The following EFHC2 variants were observed in gnomAD, a reference collection of about 807,000 sequenced individuals.
The protein encoded by EFHC2 is EF-hand domain containing 2.
Under a neutral mutation model 52.7 loss-of-function variants are expected in EFHC2, and 18 were observed. The observed-to-expected ratio is 0.34, with a 90% CI of 0.24 to 0.51. The LOEUF (loss-of-function observed/expected upper bound fraction) is 0.51. Among genes scored for constraint, EFHC2 ranks in the 20% least tolerant of loss-of-function variants. EFHC2 has a pLI of 0.97. For missense variants in EFHC2, 513 were observed against 562.5 expected (o/e 0.91, Z 0.89); for synonymous variants, 203 against 204.1 (o/e 0.99, Z 0.04).
At chrX:44,191,079 T>A (rs1602143156) in intron 11 of EFHC2, among the ~76,000 whole-genome samples, 1 of 111,912 alleles carries the variant, frequency 8.9e-6, no homozygotes, top group East Asian at 2.8e-4. Context: ...GCAAGCCTGC[T>A]CTACTTGTGA....
rs148673848 is a variant in EFHC2, at chrX:44,167,996, C to T, written c.2043-3969G>A. Among the ~76,000 whole-genome samples, 369 of 111,554 alleles carry T rather than the reference C, an allele frequency of 3.3e-3. 2 individuals carry two copies. Among genetic ancestry groups the T allele is most frequent in the African/African-American group, 0.011 (347 of 30,679 alleles). ...ACAAAGAGAATTGGAAAAAAGACCA[C>T]GGTAGAGAAGAGACGTCAAACTCTT... On this transcript the variant is annotated intron_variant, in intron 13 of 14. Coordinates refer to ENST00000420999, the MANE Select transcript of EFHC2 (RefSeq NM_025184.4).
intron 1 of EFHC2, among the ~76,000 whole-genome samples, chrX:44,329,629 G>A (rs1415597830): frequency 9.2e-6 from 1 of 108,231 alleles, no homozygotes; most frequent in Admixed American, 1.0e-4. Context: ...TTGATACAGG[G>A]TCAAACACTG....
chrX:44,265,671 A>G (rs1255272006), intron 3 of EFHC2, among the ~76,000 whole-genome samples: 1 of 111,963 alleles, frequency 8.9e-6, no homozygotes, highest in Non-Finnish European at 1.9e-5. Flanking sequence ...AAATGAAGAT[A>G]TAACTGCAAT....
intron 11 of EFHC2, among the ~76,000 whole-genome samples, chrX:44,186,082 G>A (rs2036871830): frequency 9.0e-6 from 1 of 111,237 alleles, no homozygotes; most frequent in Non-Finnish European, 1.9e-5. Context: ...TTGACATGTA[G>A]TGGAATGTAC....
chrX:44,331,125 T>C (rs1457600341), intron 1 of EFHC2, among the ~76,000 whole-genome samples: 1 of 111,743 alleles, frequency 8.9e-6, no homozygotes, highest in African/African-American at 3.3e-5. Context: ...AAACTAGAAA[T>C]AGCCCCAATG....
chrX:44,228,991 C>A (rs956447570), intron 11 of EFHC2, among the ~76,000 whole-genome samples: 7 of 111,855 alleles, frequency 6.3e-5, no homozygotes, highest in African/African-American at 2.3e-4. Context: ...TGTACTAGAC[C>A]CTGAATTTGA....
intron 11 of EFHC2, among the ~76,000 whole-genome samples, chrX:44,182,480 C>G (rs1257612696): frequency 8.9e-6 from 1 of 112,151 alleles, no homozygotes; most frequent in Non-Finnish European, 1.9e-5. Flanking sequence ...TCCTCAGTCA[C>G]AGGTAAGTCT....
intron 1 of EFHC2, among the ~76,000 whole-genome samples, chrX:44,323,006 C>A (rs1040798146): frequency 5.4e-5 from 6 of 110,308 alleles, no homozygotes; most frequent in Non-Finnish European, 1.1e-4. Context: ...GAGCAAGACT[C>A]CGTCTAAAAA....
chrX:44,293,095 GTC>G (rs1454007907), intron 2 of EFHC2, among the ~76,000 whole-genome samples: 4 of 108,053 alleles, frequency 3.7e-5, no homozygotes. Context: ...CCCTGCCTCA[GTC>G]TCCTGAGTAG....
At chrX:44,217,323 A>G (rs1239555862) in intron 11 of EFHC2, among the ~76,000 whole-genome samples, 1 of 111,663 alleles carries the variant, frequency 9.0e-6, no homozygotes, top group African/African-American at 3.3e-5. Flanking sequence ...AGGTTTCTCA[A>G]AAAACTAAAA....
Position 44,232,775 on chromosome X carries a change from A to G in EFHC2, c.1424-98T>C, listed in dbSNP as rs913078635. 78 of 754,917 alleles carry G rather than the reference A, an allele frequency of 1.0e-4. No individual in the cohort carries two copies. In the African/African-American group the frequency reaches 1.5e-3, roughly 14 times the overall value. 62.2% of individuals were successfully genotyped at this position (754,917 alleles called of 1,213,427 possible). A position where few individuals can be genotyped will look rare whatever the true frequency, so the allele number is the denominator to read the frequency against. On this transcript the variant is annotated intron_variant, in intron 9 of 14. Transcript: ENST00000420999. ...TTTATCTTCAAGCACAGACCACCATATAAGTTACCTGTGAACTCATATTGC... is the reference window on the plus strand; with the variant it reads ...TTTATCTTCAAGCACAGACCACCATGTAAGTTACCTGTGAACTCATATTGC...
intron 1 of EFHC2, among the ~76,000 whole-genome samples, chrX:44,335,789 A>G (rs946587595): frequency 8.9e-6 from 1 of 112,233 alleles, no homozygotes; most frequent in Non-Finnish European, 1.9e-5. Flanking sequence ...ATATATGTAC[A>G]TATTTTTTAG....
chrX:44,318,948 T>A (rs958992724), intron 1 of EFHC2, among the ~76,000 whole-genome samples: 6 of 109,109 alleles, frequency 5.5e-5, no homozygotes, highest in Non-Finnish European at 1.1e-4. Flanking sequence ...TGAAGACAGA[T>A]CCACTAACAG....
At chrX:44,270,518 A>G in intron 3 of EFHC2, among the ~76,000 whole-genome samples, 1 of 111,911 alleles carries the variant, frequency 8.9e-6, no homozygotes, top group African/African-American at 3.2e-5. Flanking sequence ...GTAGGTAGGT[A>G]TGCTAAGTAG....
intron 11 of EFHC2, among the ~76,000 whole-genome samples, chrX:44,179,700 T>C (rs1268820451): frequency 1.8e-5 from 2 of 112,312 alleles, no homozygotes; most frequent in African/African-American, 6.5e-5. Flanking sequence ...CCAACCAAGA[T>C]GATCCCAGAA....
chrX:44,174,352 C>A (rs1446608022), intron 13 of EFHC2, among the ~76,000 whole-genome samples: 1 of 110,316 alleles, frequency 9.1e-6, no homozygotes, highest in Admixed American at 9.7e-5. Flanking sequence ...ATGTGACAAC[C>A]CATTGGTTAT....
At chrX:44,310,422 G>A (rs2037939878) in intron 2 of EFHC2, 3 of 977,967 alleles carry the variant, frequency 3.1e-6, no homozygotes, top group Non-Finnish European at 4.1e-6. Context: ...AGCGGCGAGA[G>A]CTGCAGCTGC....
Position 44,272,451 on chromosome X carries a change from G to C in EFHC2, c.382+235C>G, listed in dbSNP as rs5953375. On this transcript the variant is annotated intron_variant, in intron 3 of 14. Coordinates refer to ENST00000420999, the MANE Select transcript of EFHC2 (RefSeq NM_025184.4). ...CTCATACCAGAGCAGCACCTGAAAG[G>C]ATACAAGTATGCCACGGAGGAGTGA... 4.1e-3 allele frequency among the ~76,000 whole-genome samples: 460 copies of C among 111,989 alleles called. 2 individuals carry two copies. The highest frequency in any genetic ancestry group is 0.014 in the African/African-American group (430 of 30,836).
chrX:44,185,135 T>C (rs1005641514), intron 11 of EFHC2, among the ~76,000 whole-genome samples: 14 of 112,659 alleles, frequency 1.2e-4, no homozygotes, highest in Admixed American at 1.1e-3. Context: ...TCAAGTTGTA[T>C]TAAACTGAAA....
Sources: allele counts gnomAD v4.1 joint callset (sites outside exome capture counted in the v4.1 genomes callset), GRCh38; gene constraint gnomAD v4.1.1; transcripts MANE v1.5; gene names NCBI Gene and HGNC (gene_info 2026-07-23, HGNC 2026-07-21).